The following TMEM132B variants were observed in gnomAD, a reference collection of about 807,000 sequenced individuals.
TMEM132B encodes the protein transmembrane protein 132B.
A neutral mutation model predicts 90.8 loss-of-function variants in TMEM132B; 18 were observed. That is an observed-to-expected ratio of 0.20 (90% confidence interval 0.14 to 0.29). TMEM132B has a LOEUF of 0.29. Ranked by LOEUF, TMEM132B falls within the 10% of genes least tolerant of loss-of-function variation. The pLI, the probability that TMEM132B is intolerant of heterozygous loss-of-function variation, is 1.00. For synonymous variants in TMEM132B, 504 were observed against 523.3 expected (o/e 0.96, Z 0.50); for missense variants, 1,096 against 1,326.8 (o/e 0.83, Z 2.70).
chr12:125,363,477 C>T (rs546546596), intron 2 of TMEM132B, among the ~76,000 whole-genome samples: 3 of 152,212 alleles, frequency 2.0e-5, no homozygotes, highest in South Asian at 2.1e-4. Flanking sequence ...TCTGCCTCCC[C>T]GTTGGAAATT....
chr12:125,226,214 C>T (rs939000248), intron 1 of TMEM132B, among the ~76,000 whole-genome samples: 1 of 152,166 alleles, frequency 6.6e-6, no homozygotes, highest in Admixed American at 6.5e-5. Flanking sequence ...ACGACAGAGT[C>T]ACACAGAGTT....
intron 1 of TMEM132B, among the ~76,000 whole-genome samples, chr12:125,305,854 A>G (rs566914790): frequency 3.3e-5 from 5 of 152,192 alleles, no homozygotes; most frequent in African/African-American, 9.7e-5. Flanking sequence ...ATTGCTGGGT[A>G]TGTTTAACAA....
At chr12:125,489,759 C>G (rs900659674) in intron 3 of TMEM132B, among the ~76,000 whole-genome samples, 1 of 152,128 alleles carries the variant, frequency 6.6e-6, no homozygotes, top group African/African-American at 2.4e-5. Flanking sequence ...GTTTTGATAT[C>G]TGGATCAATT....
chr12:125,500,571 G>A (rs928770760), intron 3 of TMEM132B, among the ~76,000 whole-genome samples: 1 of 152,212 alleles, frequency 6.6e-6, no homozygotes, highest in Non-Finnish European at 1.5e-5. Flanking sequence ...TCCTCTTGCA[G>A]AGGGTAAGGC....
chr12:125,421,604 A>G (rs930914676), intron 3 of TMEM132B, among the ~76,000 whole-genome samples: 5 of 152,210 alleles, frequency 3.3e-5, no homozygotes, highest in East Asian at 1.9e-4. Flanking sequence ...CAGCCAAACC[A>G]TATCAGCTAC....
chr12:125,193,676 A>G (rs1294617230), intron 1 of TMEM132B, among the ~76,000 whole-genome samples: 2 of 152,234 alleles, frequency 1.3e-5, no homozygotes, highest in African/African-American at 4.8e-5. Flanking sequence ...GGTTCTTTGC[A>G]GAGTGCCTGG....
At chr12:125,568,018 C>T (rs1403788919) in intron 4 of TMEM132B, among the ~76,000 whole-genome samples, 3 of 152,224 alleles carry the variant, frequency 2.0e-5, no homozygotes, top group Non-Finnish European at 2.9e-5. Context: ...GTCTGTCTCT[C>T]TCCCTGACCC....
chr12:125,274,215 G>A (rs932149348), intron 1 of TMEM132B, among the ~76,000 whole-genome samples: 4 of 152,070 alleles, frequency 2.6e-5, no homozygotes, highest in African/African-American at 9.7e-5. Flanking sequence ...GAAATGTGTC[G>A]CAGTGATTCA....
intron 2 of TMEM132B, among the ~76,000 whole-genome samples, chr12:125,382,405 G>A (rs985443025): frequency 7.9e-5 from 12 of 152,160 alleles, no homozygotes; most frequent in South Asian, 6.2e-4. Flanking sequence ...GATGTTTGGT[G>A]TAAGAACACA....
intron 1 of TMEM132B, among the ~76,000 whole-genome samples, chr12:125,257,265 CACTGCACTTCAG>C (rs1288557423): frequency 1.3e-5 from 2 of 152,040 alleles, no homozygotes; most frequent in African/African-American, 4.8e-5. Context: ...ATGATCATGC[CACTGCACTTCAG>C]GCCGGGCAAC....
At chr12:125,470,627 A>G (rs1437968393) in intron 3 of TMEM132B, among the ~76,000 whole-genome samples, 1 of 152,138 alleles carries the variant, frequency 6.6e-6, no homozygotes, top group Non-Finnish European at 1.5e-5. Flanking sequence ...TCTAGTGGGT[A>G]TTCAAGATTG....
intron 5 of TMEM132B, among the ~76,000 whole-genome samples, chr12:125,643,595 C>T (rs1366137368): frequency 6.6e-6 from 1 of 152,146 alleles, no homozygotes; most frequent in African/African-American, 2.4e-5. Context: ...AACTATTTTG[C>T]CTACCAGGAT....
intron 3 of TMEM132B, among the ~76,000 whole-genome samples, chr12:125,417,514 T>C (rs1217703677): frequency 6.6e-6 from 1 of 152,214 alleles, no homozygotes; most frequent in African/African-American, 2.4e-5. Flanking sequence ...TGTAGCTTGA[T>C]TCTCTACTTC....
chr12:125,423,091 G>A lies in TMEM132B; in HGVS notation c.1106+7414G>A, dbSNP rs547935118. Among the ~76,000 whole-genome samples, 18 of 152,318 alleles carry A rather than the reference G, an allele frequency of 1.2e-4. No individual in the cohort carries two copies. The East Asian group carries it at 3.3e-3, about 28-fold the overall frequency. On this transcript the variant is annotated intron_variant, in intron 3 of 8. Transcript: ENST00000682704. ...TAGCCCTTACCCCAGTAGGCTACAA[G>A]CATTGGCCTTTGAAGAAAAGTCTCC...
chr12:125,381,529 G>A (rs1218323126), intron 2 of TMEM132B, among the ~76,000 whole-genome samples: 1 of 152,216 alleles, frequency 6.6e-6, no homozygotes, highest in South Asian at 2.1e-4. Context: ...ATCTGGGTCA[G>A]TAACTTGGAG....
chr12:125,322,592 A>C (rs1271031648), intron 1 of TMEM132B, among the ~76,000 whole-genome samples: 1 of 152,186 alleles, frequency 6.6e-6, no homozygotes, highest in Non-Finnish European at 1.5e-5. Context: ...AATTGTGGCA[A>C]TGGTTGCACA....
chr12:125,302,733 A>G (rs1367406576), intron 1 of TMEM132B, among the ~76,000 whole-genome samples: 1 of 152,224 alleles, frequency 6.6e-6, no homozygotes, highest in East Asian at 1.9e-4. Flanking sequence ...CATTAATTGC[A>G]TTCACCATGA....
chr12:125,488,572 C>T (rs1443818935), intron 3 of TMEM132B, among the ~76,000 whole-genome samples: 1 of 152,150 alleles, frequency 6.6e-6, no homozygotes, highest in Non-Finnish European at 1.5e-5. Flanking sequence ...TCTCTCTTTG[C>T]CTGCTGCCAT....
intron 1 of TMEM132B, among the ~76,000 whole-genome samples, chr12:125,221,969 C>G (rs1250080333): frequency 6.6e-6 from 1 of 152,120 alleles, no homozygotes; most frequent in Admixed American, 6.5e-5. Context: ...GGTTGTGGAG[C>G]CCCAGGACTG....
Sources: gnomAD v4.1 joint callset for allele counts (sites outside exome capture counted in the v4.1 genomes callset) on GRCh38, gnomAD v4.1.1 for gene constraint, MANE v1.5 for transcripts, NCBI Gene and HGNC (gene_info 2026-07-23, HGNC 2026-07-21) for gene names.